The following HGSNAT variants were observed in gnomAD, a reference collection of about 807,000 sequenced individuals.
HGSNAT encodes transmembrane protein 76.
A neutral mutation model predicts 85.2 loss-of-function variants in HGSNAT; 59 were observed. That is an observed-to-expected ratio of 0.69 (90% CI 0.56 to 0.86). The LOEUF (loss-of-function observed/expected upper bound fraction) is 0.86. Ranked by LOEUF, HGSNAT falls within the 40% of genes least tolerant of loss-of-function variation. The probability of loss-of-function intolerance (pLI) is 0.00; values close to 1 mark genes in which losing one functional copy is unlikely to be tolerated. For synonymous variants in HGSNAT, 321 were observed against 304.5 expected, an observed-to-expected ratio of 1.05 and a Z score of -0.56; for missense variants, 756 against 777.1, an observed-to-expected ratio of 0.97 and a Z score of 0.32.
At chr8:43,150,232 C>T (rs1205715844) in intron 2 of HGSNAT, among the ~76,000 whole-genome samples, 3 of 152,062 alleles carry the variant, frequency 2.0e-5, no homozygotes, top group African/African-American at 4.8e-5. Flanking sequence ...GGATTACCGA[C>T]GTGAGCCACC....
chr8:43,182,858 A>C (rs987928305), intron 11 of HGSNAT, among the ~76,000 whole-genome samples: 4 of 152,208 alleles, frequency 2.6e-5, no homozygotes, highest in African/African-American at 9.7e-5. Flanking sequence ...TCTGATTTTC[A>C]CTTTCATTAG....
intron 13 of HGSNAT, among the ~76,000 whole-genome samples, 198 bp from the exon 14 acceptor site, chr8:43,193,559 C>T (rs1449633778): frequency 6.6e-6 from 1 of 152,168 alleles, no homozygotes; most frequent in African/African-American, 2.4e-5. Context: ...CTGTTCCCTG[C>T]TGAGTGTCCA....
intron 2 of HGSNAT, among the ~76,000 whole-genome samples, chr8:43,147,451 C>A (rs1802754698): frequency 6.6e-6 from 1 of 152,162 alleles, no homozygotes; most frequent in South Asian, 2.1e-4. Flanking sequence ...AGGGCCCTGC[C>A]TCCCTGATGA....
chr8:43,184,499 T>C (rs1286315322), intron 11 of HGSNAT, among the ~76,000 whole-genome samples: 2 of 152,266 alleles, frequency 1.3e-5, no homozygotes, highest in South Asian at 2.1e-4. Flanking sequence ...TTTCTTCTTG[T>C]AAATTTGTTT....
intron 10 of HGSNAT, chr8:43,180,632 G>T (rs1804049231): frequency 1.1e-5 from 2 of 182,364 alleles, no homozygotes; most frequent in Admixed American, 6.5e-5. Flanking sequence ...AGGCAGAGGG[G>T]CTCCTCACAT....
intron 14 of HGSNAT, chr8:43,194,286 C>A: frequency 3.3e-6 from 2 of 612,920 alleles, no homozygotes; most frequent in Non-Finnish European, 4.1e-6. Context: ...GTAGTCCCAG[C>A]TACTTGGGAG....
intron 2 of HGSNAT, among the ~76,000 whole-genome samples, chr8:43,152,938 G>A (rs1489207732): frequency 6.6e-6 from 1 of 151,940 alleles, no homozygotes; most frequent in East Asian, 1.9e-4. Context: ...AAATTCATAT[G>A]AAAAAGTAAA....
intron 14 of HGSNAT, among the ~76,000 whole-genome samples, chr8:43,195,423 G>A (rs1434461125): frequency 6.6e-6 from 1 of 151,982 alleles, no homozygotes; most frequent in Non-Finnish European, 1.5e-5. Context: ...TCATTAAGTG[G>A]GAGTGGATCA....
chr8:43,175,619 G>A (rs886954513), intron 9 of HGSNAT, among the ~76,000 whole-genome samples: 2 of 139,460 alleles, frequency 1.4e-5, no homozygotes, highest in African/African-American at 5.4e-5. Flanking sequence ...AGGTGGGAGT[G>A]CAGTGGCATG....
At chr8:43,192,606 TA>T in intron 13 of HGSNAT, among the ~76,000 whole-genome samples, 176 bp downstream of exon 13, 1 of 152,032 alleles carries the variant, frequency 6.6e-6, no homozygotes, top group Non-Finnish European at 1.5e-5. Context: ...TGGCAGTGTG[TA>T]AACATTATTT....
In HGSNAT at chr8:43,161,557, C is replaced by T. The variant is rs73675460; in HGVS notation, c.563+50C>T. On this transcript the variant is annotated intron_variant, in intron 5 of 17. Coordinates refer to ENST00000379644, the MANE Select transcript of HGSNAT (RefSeq NM_152419.3). ...CTGGAAAGGCAGAGTATAGAAATAA[C>T]ACATTCAGAAGGGGCAGCTGTCACC... The T allele has an allele frequency of 5.1e-3, 7,273 of 1,420,756 alleles. 262 individuals carry two copies. The African/African-American group carries it at 0.083, about 16-fold the overall frequency. 88.0% of individuals were successfully genotyped at this position (1,420,756 alleles called of 1,614,324 possible).
At chr8:43,141,304 G>A (rs980139494) in intron 1 of HGSNAT, among the ~76,000 whole-genome samples, 1 of 152,104 alleles carries the variant, frequency 6.6e-6, no homozygotes, top group Non-Finnish European at 1.5e-5. Flanking sequence ...CGCCGCCGCC[G>A]CCGCCGCCTG....
chr8:43,192,225 G>A lies in HGSNAT; in HGVS notation c.1251-79G>A. 2.7e-6 allele frequency: 4 copies of A among 1,500,726 alleles called. No homozygotes were observed. In the South Asian group the frequency reaches 5.0e-5, roughly 19 times the overall value. 93.0% of individuals were successfully genotyped at this position (1,500,726 alleles called of 1,614,324 possible). A position where few individuals can be genotyped will look rare whatever the true frequency, so the allele number is the denominator to read the frequency against. ...TTACAGGCGTGAGCCACCGTGCCCG[G>A]CCTGAGGTTTTTTTATTCTTGTCCC... On this transcript the variant is annotated intron_variant, in intron 12 of 17. Coordinates refer to ENST00000379644, the MANE Select transcript of HGSNAT (RefSeq NM_152419.3).
At chr8:43,171,876 C>T (rs1803636084) in intron 7 of HGSNAT, among the ~76,000 whole-genome samples, 1 of 152,174 alleles carries the variant, frequency 6.6e-6, no homozygotes, top group African/African-American at 2.4e-5. Flanking sequence ...TGATGAGAAC[C>T]TTGCCCAGGG....
At chr8:43,155,916 C>T (rs1563359516) in intron 2 of HGSNAT, among the ~76,000 whole-genome samples, 1 of 151,870 alleles carries the variant, frequency 6.6e-6, no homozygotes, top group Non-Finnish European at 1.5e-5. Flanking sequence ...TCTCTGCTTA[C>T]TGCAGCCTCT....
At chr8:43,182,394 AC>A in intron 11 of HGSNAT, 134 bp downstream of exon 11, 1 of 777,464 alleles carries the variant, frequency 1.3e-6, no homozygotes, top group Non-Finnish European at 2.3e-6. Flanking sequence ...TGCCTTGGCC[AC>A]CCAAAGCGCC....
At chr8:43,153,292 G>A (rs1802977576) in intron 2 of HGSNAT, among the ~76,000 whole-genome samples, 1 of 151,784 alleles carries the variant, frequency 6.6e-6, no homozygotes, top group Non-Finnish European at 1.5e-5. Flanking sequence ...ACTCCAAGAG[G>A]ATTCAAGTTA....
At chr8:43,176,593 G>T (rs1803820412) in intron 9 of HGSNAT, among the ~76,000 whole-genome samples, 1 of 152,068 alleles carries the variant, frequency 6.6e-6, no homozygotes, top group Admixed American at 6.6e-5. Context: ...AATGTTATTG[G>T]TATTTTGATA....
chr8:43,198,904 C>A (rs1215060892), intron 17 of HGSNAT, among the ~76,000 whole-genome samples: 1 of 151,850 alleles, frequency 6.6e-6, no homozygotes, highest in Non-Finnish European at 1.5e-5. Context: ...TTATCTAATA[C>A]CTTTTTTGTG....
Sources: gnomAD v4.1 joint callset for allele counts (sites outside exome capture counted in the v4.1 genomes callset) on GRCh38, gnomAD v4.1.1 for gene constraint, MANE v1.5 for transcripts, NCBI Gene and HGNC (gene_info 2026-07-23, HGNC 2026-07-21) for gene names.